Variants in TXK observed in about 807,000 individuals in gnomAD.
TXK encodes TXK tyrosine kinase, also known as tyrosine-protein kinase TXK.
TXK carries 60 observed loss-of-function variants against 81.0 expected under a neutral mutation model. The ratio of observed to expected loss-of-function variants is 0.74; its 90% confidence interval spans 0.60 to 0.92. The LOEUF (loss-of-function observed/expected upper bound fraction) is 0.92. Ranked by LOEUF, TXK falls within the 40% of genes least tolerant of loss-of-function variation. TXK has a pLI of 0.00. For missense variants in TXK, 581 were observed against 638.3 expected (o/e 0.91, Z 0.97); for synonymous variants, 203 against 210.7 (o/e 0.96, Z 0.32).
At chr4:48,133,107 A>G (rs969059518) in intron 1 of TXK, among the ~76,000 whole-genome samples, 1 of 152,266 alleles carries the variant, frequency 6.6e-6, no homozygotes, top group Admixed American at 6.5e-5. Flanking sequence ...ATGAATATAA[A>G]GGAACTGGTA....
At chr4:48,071,794 C>T in intron 13 of TXK, 120 bp from the exon 14 acceptor site, 1 of 1,114,378 alleles carries the variant, frequency 9.0e-7, no homozygotes, top group Non-Finnish European at 1.3e-6. Context: ...CTATAACCAT[C>T]CTGAATAACA....
intron 12 of TXK, among the ~76,000 whole-genome samples, chr4:48,075,817 A>G (rs1425380423): frequency 6.6e-6 from 1 of 152,176 alleles, no homozygotes; most frequent in Non-Finnish European, 1.5e-5. Context: ...TACCAGTACT[A>G]TAGCCCCACG....
intron 1 of TXK, among the ~76,000 whole-genome samples, chr4:48,120,386 T>C (rs1718925374): frequency 6.6e-6 from 1 of 150,956 alleles, no homozygotes; most frequent in Non-Finnish European, 1.5e-5. Flanking sequence ...TATATACGTA[T>C]ATATATGCAG....
Position 48,089,741 on chromosome 4 carries a change from A to C in TXK, c.784+9T>G. 1 of 1,611,442 alleles carries C rather than the reference A, an allele frequency of 6.2e-7. No homozygotes were observed. The highest frequency in any genetic ancestry group is 8.5e-7 in the Non-Finnish European group (1 of 1,177,778). The stretch of plus-strand genomic sequence containing the variant: ...TGCTATTTTACTTCAGCATGTGTGC[A>C]CACTTTACCGTAGCTAAACCCAGCT... On this transcript the variant is annotated intron_variant, in intron 9 of 14. Coordinates refer to ENST00000264316, the MANE Select transcript of TXK (RefSeq NM_003328.3).
In TXK at chr4:48,134,195, A is replaced by T. The variant is rs905569389; in HGVS notation, c.-25T>A. 3.1e-6 allele frequency: 5 copies of T among 1,612,944 alleles called. No homozygotes were observed. In the African/African-American group the frequency reaches 6.7e-5, roughly 22 times the overall value. ...TGGTAGCCCCTTCTGCGGGGAGCAC[A>T]CAACAGTCTTCAGTTCTTCTGCGGT... On this transcript the variant is annotated 5_prime_UTR_variant, in exon 1 of 15. Coordinates refer to ENST00000264316, the MANE Select transcript of TXK (RefSeq NM_003328.3).
intron 6 of TXK, among the ~76,000 whole-genome samples, chr4:48,103,279 C>T (rs904734629): frequency 1.3e-5 from 2 of 152,210 alleles, no homozygotes; most frequent in African/African-American, 4.8e-5. Flanking sequence ...TTCCTTCTCT[C>T]GTTCTGCCCA....
At chr4:48,116,333 C>T (rs1269255919) in intron 1 of TXK, among the ~76,000 whole-genome samples, 3 of 152,206 alleles carry the variant, frequency 2.0e-5, no homozygotes, top group African/African-American at 4.8e-5. Flanking sequence ...ATAATAGGAT[C>T]GTGGTGAAGA....
chr4:48,087,536 A>G (rs563702369), intron 9 of TXK, among the ~76,000 whole-genome samples: 1 of 152,160 alleles, frequency 6.6e-6, no homozygotes, highest in East Asian at 1.9e-4. Flanking sequence ...CTTAGGTTCA[A>G]GTGATTTTCC....
At chr4:48,106,538 A>C (rs1718466836) in intron 5 of TXK, among the ~76,000 whole-genome samples, 1 of 152,148 alleles carries the variant, frequency 6.6e-6, no homozygotes, top group Non-Finnish European at 1.5e-5. Context: ...CAGCACGTCC[A>C]GCTATGGGTG....
intron 1 of TXK, among the ~76,000 whole-genome samples, chr4:48,119,151 C>T (rs1426587002): frequency 6.6e-6 from 1 of 152,102 alleles, no homozygotes; most frequent in Non-Finnish European, 1.5e-5. Context: ...ACCCAGAGGG[C>T]TTAGGAGGAC....
intron 2 of TXK, among the ~76,000 whole-genome samples, chr4:48,114,053 T>C (rs1424193544): frequency 1.3e-5 from 2 of 152,138 alleles, no homozygotes; most frequent in Non-Finnish European, 2.9e-5. Context: ...AAAATACGTA[T>C]TGGAGCACAG....
At chr4:48,126,528 T>C (rs1235327913) in intron 1 of TXK, among the ~76,000 whole-genome samples, 1 of 152,134 alleles carries the variant, frequency 6.6e-6, no homozygotes, top group African/African-American at 2.4e-5. Flanking sequence ...TGAGATGGAG[T>C]CTTGCTCTGT....
At position 48,130,321 on chromosome 4, in the gene TXK, G is replaced by A. The variant is rs141917332; in HGVS notation, c.16+3834C>T. 1.8e-4 allele frequency among the ~76,000 whole-genome samples: 28 copies of A among 152,264 alleles called. No individual in the cohort carries two copies. In the East Asian group the frequency reaches 5.4e-3, roughly 29 times the overall value. On this transcript the variant is annotated intron_variant, in intron 1 of 14. Coordinates refer to ENST00000264316, the MANE Select transcript of TXK (RefSeq NM_003328.3). ...GGGCCAGGAGTTCTGGAATGGTTTA[G>A]CTGAGTGCTTGTGTCTCCAGATCTT...
intron 9 of TXK, among the ~76,000 whole-genome samples, chr4:48,086,972 T>G (rs1021672112): frequency 2.3e-5 from 3 of 130,752 alleles, no homozygotes; most frequent in Non-Finnish European, 5.0e-5. Context: ...AAAATATTTA[T>G]GTTCCCAGTC....
At chr4:48,082,419 C>T (rs926930967) in intron 10 of TXK, among the ~76,000 whole-genome samples, 5 of 152,196 alleles carry the variant, frequency 3.3e-5, no homozygotes, top group African/African-American at 1.2e-4. Context: ...GCATAATAAA[C>T]ACAGACCATC....
At chr4:48,095,439 T>A (rs1490804802) in intron 6 of TXK, among the ~76,000 whole-genome samples, 1 of 152,234 alleles carries the variant, frequency 6.6e-6, no homozygotes, top group Non-Finnish European at 1.5e-5. Context: ...AATTGGGACA[T>A]GCATTTATAA....
intron 5 of TXK, among the ~76,000 whole-genome samples, chr4:48,109,081 C>G (rs1560357408): frequency 6.6e-6 from 1 of 152,116 alleles, no homozygotes; most frequent in African/African-American, 2.4e-5. Flanking sequence ...AAATCTCTGA[C>G]CTGGCTTTGC....
chr4:48,132,825 A>G (rs1454458191), intron 1 of TXK, among the ~76,000 whole-genome samples: 2 of 152,104 alleles, frequency 1.3e-5, no homozygotes, highest in East Asian at 1.9e-4. Context: ...ATGCGCCTGT[A>G]GTCCCAGCTA....
chr4:48,071,697 A>G lies in TXK; in HGVS notation c.1358-23T>C, dbSNP rs115178314. On this transcript the variant is annotated intron_variant, in intron 13 of 14. Transcript: ENST00000264316. ...CTCCTGCAAACAAAAATGCAGGAAA[A>G]CAAGGGGTTAGAGAGAAATGATTGC... 6,369 of 1,612,148 alleles carry G rather than the reference A, an allele frequency of 4.0e-3. 19 individuals carry two copies. Among genetic ancestry groups the G allele is most frequent in the Non-Finnish European group, 5.1e-3 (5,973 of 1,179,248 alleles).
Sources: allele counts gnomAD v4.1 joint callset (sites outside exome capture counted in the v4.1 genomes callset), GRCh38; gene constraint gnomAD v4.1.1; transcripts MANE v1.5; gene names NCBI Gene and HGNC (gene_info 2026-07-23, HGNC 2026-07-21).